Variants in UBAC1 observed in about 807,000 individuals in gnomAD.
UBAC1 encodes the protein ubiquitin-associated domain-containing protein 1.
UBAC1 carries 27 observed loss-of-function variants against 45.9 expected under a neutral mutation model. That is an observed-to-expected ratio of 0.59 (90% confidence interval 0.43 to 0.81). The LOEUF (loss-of-function observed/expected upper bound fraction) is 0.81. Among genes scored for constraint, UBAC1 ranks in the 30% least tolerant of loss-of-function variants. The probability of loss-of-function intolerance (pLI) is 0.00; values close to 1 mark genes in which losing one functional copy is unlikely to be tolerated. For missense variants in UBAC1, 529 were observed against 539.2 expected (o/e 0.98, Z 0.19); for synonymous variants, 227 against 215.5 (o/e 1.05, Z -0.47).
At chr9:135,934,721 C>T (rs927135377) in intron 9 of UBAC1, among the ~76,000 whole-genome samples, 1 of 152,188 alleles carries the variant, frequency 6.6e-6, no homozygotes, top group Non-Finnish European at 1.5e-5. Flanking sequence ...AGGTGCGAAA[C>T]AGCTGTTTCA....
Position 135,939,753 on chromosome 9 carries a change from T to C in UBAC1, c.883A>G (p.Ile295Val), listed in dbSNP as rs1839246660. ...TCGAACCCCATCTCCATCAGGGAAA[T>C]GACGGCCTAGAGGACAGCACAGCCG... The part of the protein sequence containing the change: ...REFRADARAV[I>V]SLMEMGFDEK... The change falls in exon 8 of 10, where the codon ATT becomes GTT. Residue 295 changes from isoleucine (I) to valine (V), a missense_variant. Physicochemically the swap from Ile to Val is conservative, Grantham distance 29. Transcript: ENST00000371756. 6.2e-7 allele frequency: 1 copy of C among 1,613,484 alleles called. No individual in the cohort carries two copies. The highest frequency in any genetic ancestry group is 8.5e-7 in the Non-Finnish European group (1 of 1,179,540).
intron 7 of UBAC1, among the ~76,000 whole-genome samples, 175 bp downstream of exon 7, chr9:135,944,853 C>A (rs1364567614): frequency 1.3e-5 from 2 of 152,202 alleles, no homozygotes; most frequent in African/African-American, 4.8e-5. Context: ...CCCACCGCCC[C>A]CAGGCTCGCC....
intron 7 of UBAC1, among the ~76,000 whole-genome samples, chr9:135,940,008 C>A (rs1839249540): frequency 6.6e-6 from 1 of 152,216 alleles, no homozygotes; most frequent in South Asian, 2.1e-4. Context: ...AGCTCCCAGG[C>A]TTGTCTTCAG....
rs771075771 is a variant in UBAC1 at position 135,961,111 on chromosome 9, T to C, written c.52A>G (p.Ile18Val). ...IFAGKVLRLH[I>V]CASDGAEWLE... ...CACTCGGCGCCGTCGGACGCGCAGA[T>C]GTGCAGCCGCAGCACCTTGCCCGCG... Residue 18 changes from isoleucine to valine, a missense_variant, in exon 1 of 10, where the codon ATC (isoleucine) becomes GTC (valine). By Grantham distance (29) the Ile-to-Val change is conservative. Transcript: ENST00000371756. 1.9e-6 allele frequency: 3 copies of C among 1,590,732 alleles called. No homozygotes were observed. The highest frequency in any genetic ancestry group is 1.7e-6 in the Non-Finnish European group (2 of 1,173,460).
At chr9:135,952,053 T>C (rs577150448) in intron 3 of UBAC1, among the ~76,000 whole-genome samples, 2 of 152,338 alleles carry the variant, frequency 1.3e-5, no homozygotes, top group African/African-American at 4.8e-5. Context: ...GAACTGTGAA[T>C]GCTGCCTGCA....
intron 6 of UBAC1, chr9:135,945,524 A>G (rs1011747751): frequency 4.5e-5 from 23 of 511,120 alleles, no homozygotes; most frequent in African/African-American, 3.6e-4. Context: ...TAGGGACCAC[A>G]GGGGGAACTG....
At chr9:135,956,234 G>A (rs1385487952) in intron 1 of UBAC1, among the ~76,000 whole-genome samples, 3 of 152,194 alleles carry the variant, frequency 2.0e-5, no homozygotes, top group African/African-American at 7.2e-5. Context: ...GAGGAAGTTG[G>A]AGCAGACGGC....
intron 3 of UBAC1, 182 bp from the exon 4 acceptor site, chr9:135,948,087 C>A (rs1839360261): frequency 8.6e-6 from 5 of 580,710 alleles, no homozygotes; most frequent in Non-Finnish European, 1.5e-5. Flanking sequence ...GGACAGCAGA[C>A]GTGTCCTCAG....
At chr9:135,949,923 C>T (rs1357058307) in intron 3 of UBAC1, among the ~76,000 whole-genome samples, 2 of 152,246 alleles carry the variant, frequency 1.3e-5, no homozygotes, top group Non-Finnish European at 2.9e-5. Context: ...AGAGATTCAA[C>T]ACTTCAGAAG....
chr9:135,933,944 T>G (rs1299722509), intron 9 of UBAC1, among the ~76,000 whole-genome samples: 1 of 152,146 alleles, frequency 6.6e-6, no homozygotes, highest in Admixed American at 6.5e-5. Context: ...TGCTCAGCCT[T>G]CAGAAAATTC....
intron 3 of UBAC1, among the ~76,000 whole-genome samples, chr9:135,951,074 T>C (rs1312513002): frequency 2.6e-5 from 4 of 151,978 alleles, no homozygotes; most frequent in African/African-American, 9.7e-5. Context: ...TCCAGCCTGG[T>C]GTGCACTGCC....
intron 3 of UBAC1, among the ~76,000 whole-genome samples, chr9:135,948,337 G>C (rs1396689988): frequency 6.6e-6 from 1 of 152,270 alleles, no homozygotes; most frequent in Non-Finnish European, 1.5e-5. Context: ...AAAAGTGATG[G>C]GAGAGGAACA....
At chr9:135,939,481 TCACTCACCACAGCCCA>T (rs1839241967) in intron 8 of UBAC1, among the ~76,000 whole-genome samples, 176 bp downstream of exon 8, 1 of 142,658 alleles carries the variant, frequency 7.0e-6, no homozygotes, top group Admixed American at 7.0e-5. Flanking sequence ...CAGCCCACAC[TCACTCACCACAGCCCA>T]CACTCACTCA....
intron 9 of UBAC1, among the ~76,000 whole-genome samples, chr9:135,936,936 G>C (rs1295282728): frequency 2.0e-5 from 3 of 152,218 alleles, no homozygotes; most frequent in African/African-American, 7.2e-5. Flanking sequence ...AATGGGAAAA[G>C]GGTCAGCATC....
At chr9:135,959,198 G>A (rs1839503318) in intron 1 of UBAC1, among the ~76,000 whole-genome samples, 1 of 152,186 alleles carries the variant, frequency 6.6e-6, no homozygotes, top group Non-Finnish European at 1.5e-5. Context: ...TGTCGATGCA[G>A]TGTGGGGTCC....
intron 3 of UBAC1, among the ~76,000 whole-genome samples, chr9:135,949,338 G>C (rs942850094): frequency 1.3e-5 from 2 of 152,112 alleles, no homozygotes; most frequent in African/African-American, 4.8e-5. Context: ...AAAACAAGGA[G>C]ATCAAAAAAC....
chr9:135,948,066 G>A lies in UBAC1; in HGVS notation c.334-161C>T. ...GCTGGGGGAGCCTGGAGAGTTCTGT[G>A]CAAGGCCCAGGGACAGCAGACGTGT... On this transcript the variant is annotated intron_variant, in intron 3 of 9. Transcript: ENST00000371756. The A allele has an allele frequency of 7.9e-6, 5 of 631,494 alleles. No homozygotes were observed. The South Asian group carries it at 1.0e-4, about 13-fold the overall frequency. The allele number at this position is 631,494 out of a possible 1,614,324, so 39.1% of individuals were successfully genotyped here.
At position 135,955,353 on chromosome 9, in the gene UBAC1, G is replaced by A; in HGVS notation, c.201C>T (p.Ala67=). 2 of 1,607,910 alleles carry A rather than the reference G, an allele frequency of 1.2e-6. No homozygotes were observed. Among genetic ancestry groups the A allele is most frequent in the South Asian group, 1.1e-5 (1 of 89,886 alleles). ...TGGCATCACTCAGCACCCTCTCTGA[G>A]GCAGCGTGGATTAATTTATGATGGG... The part of the protein sequence containing the change: ...SITHHKLIHA[A]SERVLSDART... Residue 67 remains alanine (A), a synonymous_variant, in exon 2 of 10, where the codon GCC becomes GCT. Transcript: ENST00000371756.
At chr9:135,957,379 A>G (rs575892978) in intron 1 of UBAC1, among the ~76,000 whole-genome samples, 1 of 152,224 alleles carries the variant, frequency 6.6e-6, no homozygotes, top group East Asian at 1.9e-4. Context: ...AGGCTAGTTC[A>G]TTTGTCAAGT....
Sources: allele counts gnomAD v4.1 joint callset (sites outside exome capture counted in the v4.1 genomes callset), GRCh38; gene constraint gnomAD v4.1.1; transcripts MANE v1.5; gene names NCBI Gene and HGNC (gene_info 2026-07-23, HGNC 2026-07-21).